Variants in TMEM39B observed in about 807,000 individuals in gnomAD.
TMEM39B encodes the protein transmembrane protein 39B.
A neutral mutation model predicts 52.2 loss-of-function variants in TMEM39B; 23 were observed. The ratio of observed to expected loss-of-function variants is 0.44; its 90% CI spans 0.32 to 0.62. The LOEUF (loss-of-function observed/expected upper bound fraction) is 0.62, where lower values mean the gene tolerates loss of function less well. Among genes scored for constraint, TMEM39B ranks in the 20% least tolerant of loss-of-function variants. The pLI, the probability that TMEM39B is intolerant of heterozygous loss-of-function variation, is 0.06. For synonymous variants in TMEM39B, 285 were observed against 264.0 expected (o/e 1.08, Z -0.77); for missense variants, 547 against 642.0 (o/e 0.85, Z 1.60).
In TMEM39B at chr1:32,102,529, G is replaced by T; in HGVS notation, c.1335G>T (p.Lys445Asn). ...YQLYSLMSSE[K>N]WHQTISLALI... ...TGTACTCCCTAATGTCCTCTGAAAA[G>T]TGGCACCAGACCATCTCGCTGGCCC... is the stretch of plus-strand genomic sequence containing the variant. The change falls in exon 9 of 9, where the codon AAG becomes AAT. Residue 445 changes from lysine to asparagine, a missense_variant. Physicochemically the swap from Lys to Asn is moderately conservative, Grantham distance 94. Transcript: ENST00000336294. 3 of 1,614,174 alleles carry T rather than the reference G, an allele frequency of 1.9e-6. No homozygotes were observed. The highest frequency in any genetic ancestry group is 2.5e-6 in the Non-Finnish European group (3 of 1,180,036).
chr1:32,076,627 T>C, intron 3 of TMEM39B, 136 bp from the exon 4 acceptor site: 1 of 894,124 alleles, frequency 1.1e-6, no homozygotes, highest in Non-Finnish European at 1.8e-6. Context: ...CTGGCCTGAC[T>C]CAGCTGGAGG....
At chr1:32,082,391 C>T (rs1357222019) in intron 5 of TMEM39B, among the ~76,000 whole-genome samples, 1 of 152,132 alleles carries the variant, frequency 6.6e-6, no homozygotes, top group Non-Finnish European at 1.5e-5. Flanking sequence ...CAGTAGTATG[C>T]ATACATGACA....
rs767699366 is a variant in TMEM39B, at chr1:32,102,653, C to T, written c.1459C>T (p.Leu487=). ...ATACTCTGCTAGCCCCCAGAGAGACCTGGACCACCGTTTCTCCTGAGCCCT... is the reference window on the plus strand; with the variant it reads ...ATACTCTGCTAGCCCCCAGAGAGACTTGGACCACCGTTTCTCCTGAGCCCT... ...YSYSASPQRD[L]DHRFS Residue 487 remains leucine, a synonymous_variant, in exon 9 of 9, where the codon CTG becomes TTG. Coordinates refer to ENST00000336294, the MANE Select transcript of TMEM39B (RefSeq NM_018056.4). The T allele has an allele frequency of 6.3e-7, 1 of 1,586,490 alleles. No individual in the cohort carries two copies. The highest frequency in any genetic ancestry group is 1.7e-5 in the Admixed American group (1 of 57,558).
chr1:32,078,308 A>G (rs1639950933), intron 5 of TMEM39B, among the ~76,000 whole-genome samples: 1 of 152,134 alleles, frequency 6.6e-6, no homozygotes, highest in Admixed American at 6.6e-5. Flanking sequence ...ACATGGCGAA[A>G]TCCTGTCTAC....
In TMEM39B at chr1:32,077,275, T is replaced by C. The variant is rs1419668726; in HGVS notation, c.547T>C (p.Phe183Leu). ...WSLCRSLIHL[F>L]RTYSFLNLLF... ...TCTGTGCCGATCCCTCATCCACCTCTTCAGGACCTACTCCTTCCTGAACCT... is the reference window on the plus strand; with the variant it reads ...TCTGTGCCGATCCCTCATCCACCTCCTCAGGACCTACTCCTTCCTGAACCT... The change falls in exon 5 of 9, where the codon TTC (phenylalanine) becomes CTC (leucine). Residue 183 changes from phenylalanine (F) to leucine (L), a missense_variant. Phe to Leu is a conservative substitution (Grantham distance 22). Coordinates refer to ENST00000336294, the MANE Select transcript of TMEM39B (RefSeq NM_018056.4). The C allele has an allele frequency of 6.8e-6, 11 of 1,614,034 alleles. No individual in the cohort carries two copies. The highest frequency in any genetic ancestry group is 9.3e-6 in the Non-Finnish European group (11 of 1,180,034).
At chr1:32,076,638 C>A in intron 3 of TMEM39B, 125 bp from the exon 4 acceptor site, 2 of 973,026 alleles carry the variant, frequency 2.1e-6, no homozygotes, top group Non-Finnish European at 3.2e-6. Flanking sequence ...CAGCTGGAGG[C>A]CGATGAAGGT....
At chr1:32,091,430 A>G (rs1640596832) in intron 5 of TMEM39B, among the ~76,000 whole-genome samples, 1 of 152,142 alleles carries the variant, frequency 6.6e-6, no homozygotes, top group African/African-American at 2.4e-5. Flanking sequence ...CTTGCTTCCT[A>G]CTGTAGCCCC....
rs562855623 is a variant in TMEM39B at position 32,101,484 on chromosome 1, C to T, written c.1236+922C>T. ...GGCCAAAATCCAATATATGGGACAT[C>T]CTGGCACTGCTCTGTTTGGAGGAGT... is the stretch of plus-strand genomic sequence containing the variant. On this transcript the variant is annotated intron_variant, in intron 8 of 8. Transcript: ENST00000336294. 2.0e-5 allele frequency among the ~76,000 whole-genome samples: 3 copies of T among 151,812 alleles called. No homozygotes were observed. The East Asian group carries it at 5.8e-4, about 29-fold the overall frequency.
chr1:32,097,795 C>G (rs186349049), intron 7 of TMEM39B, among the ~76,000 whole-genome samples: 1 of 151,932 alleles, frequency 6.6e-6, no homozygotes, highest in East Asian at 1.9e-4. Context: ...CAGATGCCCG[C>G]CACCGCACCT....
At chr1:32,080,109 C>T (rs536974855) in intron 5 of TMEM39B, among the ~76,000 whole-genome samples, 7 of 151,900 alleles carry the variant, frequency 4.6e-5, no homozygotes, top group Non-Finnish European at 7.4e-5. Flanking sequence ...AGGATGGTCT[C>T]GATCTCCTGA....
chr1:32,090,800 C>T (rs926218057), intron 5 of TMEM39B, among the ~76,000 whole-genome samples: 16 of 152,058 alleles, frequency 1.1e-4, no homozygotes, highest in African/African-American at 3.1e-4. Context: ...CCACCACGCC[C>T]GGCTAATTTT....
chr1:32,096,579 G>A (rs1640817468), intron 7 of TMEM39B, among the ~76,000 whole-genome samples: 1 of 150,318 alleles, frequency 6.7e-6, no homozygotes, highest in Admixed American at 6.7e-5. Context: ...CCTGCCTCGG[G>A]CCTCCCAAGT....
At chr1:32,077,092 G>A (rs1382170083) in intron 4 of TMEM39B, 72 bp from the exon 5 acceptor site, 2 of 1,585,050 alleles carry the variant, frequency 1.3e-6, no homozygotes, top group African/African-American at 1.3e-5. Flanking sequence ...AGGTCATGCT[G>A]GGTGGGATTT....
At chr1:32,098,560 G>A (rs993366920) in intron 7 of TMEM39B, among the ~76,000 whole-genome samples, 2 of 151,902 alleles carry the variant, frequency 1.3e-5, no homozygotes, top group South Asian at 2.1e-4. Context: ...GTGAAACCCC[G>A]TCTCTTCTAA....
chr1:32,100,418 G>A (rs772339259), intron 7 of TMEM39B, 24 bp from the exon 8 acceptor site: 79 of 1,540,672 alleles, frequency 5.1e-5, no homozygotes, highest in Non-Finnish European at 6.6e-5. Flanking sequence ...GGGGATAAGG[G>A]GCACCATTGA....
chr1:32,081,605 A>T (rs1482925298), intron 5 of TMEM39B, among the ~76,000 whole-genome samples: 1 of 151,924 alleles, frequency 6.6e-6, no homozygotes. Context: ...AAAATTAGCC[A>T]GGTGTGGTGG....
intron 5 of TMEM39B, among the ~76,000 whole-genome samples, chr1:32,080,837 A>G (rs1640064794): frequency 6.6e-6 from 1 of 152,038 alleles, no homozygotes; most frequent in African/African-American, 2.4e-5. Flanking sequence ...AACATATTGT[A>G]AAAAATTAAA....
chr1:32,090,353 G>A (rs911826280), intron 5 of TMEM39B, among the ~76,000 whole-genome samples: 5 of 152,138 alleles, frequency 3.3e-5, no homozygotes, highest in South Asian at 2.1e-4. Context: ...TGCCTGGTAC[G>A]TAATAAACAC....
chr1:32,073,479 C>T, intron 1 of TMEM39B: 2 of 941,904 alleles, frequency 2.1e-6, no homozygotes, highest in African/African-American at 1.8e-5. Context: ...TGGAGTGGGG[C>T]TTCTGGGCTG....
Sources: gnomAD v4.1 joint callset for allele counts (sites outside exome capture counted in the v4.1 genomes callset) on GRCh38, gnomAD v4.1.1 for gene constraint, MANE v1.5 for transcripts, NCBI Gene and HGNC (gene_info 2026-07-23, HGNC 2026-07-21) for gene names.